The following TACR1 variants were observed in gnomAD, a reference collection of about 807,000 sequenced individuals.
The protein encoded by TACR1 is tachykinin receptor 1.
In TACR1, 25 loss-of-function variants were observed where a neutral mutation model predicts 35.8. That is an observed-to-expected ratio of 0.70 (90% confidence interval 0.51 to 0.98). The LOEUF is 0.98. TACR1 is among the 50% of genes least tolerant of loss of function. TACR1 has a pLI of 0.00. For missense variants in TACR1, 478 were observed against 522.9 expected (o/e 0.91, Z 0.84); for synonymous variants, 195 against 206.7 (o/e 0.94, Z 0.48).
chr2:75,063,920 A>G (rs952698435), intron 2 of TACR1, among the ~76,000 whole-genome samples: 1 of 152,160 alleles, frequency 6.6e-6, no homozygotes, highest in South Asian at 2.1e-4. Flanking sequence ...AGGTTAGAGA[A>G]TGGTCTCAGT....
At chr2:75,194,626 G>C (rs1675922339) in intron 1 of TACR1, among the ~76,000 whole-genome samples, 1 of 152,174 alleles carries the variant, frequency 6.6e-6, no homozygotes, top group African/African-American at 2.4e-5. Flanking sequence ...ATTTATTCAT[G>C]TTTTTGTTCT....
At chr2:75,079,771 A>T (rs1453795047) in intron 2 of TACR1, among the ~76,000 whole-genome samples, 2 of 143,022 alleles carry the variant, frequency 1.4e-5, no homozygotes, top group East Asian at 4.0e-4. Context: ...CTCACTCTGG[A>T]ATGAGTCATT....
At chr2:75,111,756 T>C (rs1358356535) in intron 2 of TACR1, among the ~76,000 whole-genome samples, 1 of 151,932 alleles carries the variant, frequency 6.6e-6, no homozygotes, top group Non-Finnish European at 1.5e-5. Flanking sequence ...AGTAAGAATA[T>C]ATGTTTACAC....
intron 2 of TACR1, among the ~76,000 whole-genome samples, chr2:75,093,573 C>T (rs939313654): frequency 6.6e-6 from 1 of 152,148 alleles, no homozygotes; most frequent in African/African-American, 2.4e-5. Context: ...TCTGCAGCCC[C>T]TGAGCCCACC....
At chr2:75,105,060 A>T (rs1558554375) in intron 2 of TACR1, among the ~76,000 whole-genome samples, 1 of 152,128 alleles carries the variant, frequency 6.6e-6, no homozygotes, top group Non-Finnish European at 1.5e-5. Context: ...AAATGAAATC[A>T]GTATGTTGAC....
chr2:75,145,916 G>T (rs1441763242), intron 1 of TACR1, among the ~76,000 whole-genome samples: 1 of 152,174 alleles, frequency 6.6e-6, no homozygotes, highest in Admixed American at 6.5e-5. Flanking sequence ...CAGCGACAGA[G>T]ATGTGGGAGT....
At chr2:75,143,915 G>A (rs1454154275) in intron 1 of TACR1, among the ~76,000 whole-genome samples, 2 of 152,136 alleles carry the variant, frequency 1.3e-5, no homozygotes, top group African/African-American at 2.4e-5. Context: ...GTGGGTGAAC[G>A]GGGTACATAG....
intron 2 of TACR1, among the ~76,000 whole-genome samples, chr2:75,092,797 C>T (rs1481901611): frequency 5.3e-5 from 8 of 152,088 alleles, no homozygotes; most frequent in African/African-American, 1.9e-4. Flanking sequence ...TTGCCTCACC[C>T]AGAAGATCAG....
chr2:75,179,305 C>A (rs6709927), intron 1 of TACR1, among the ~76,000 whole-genome samples: 93,468 of 151,608 alleles, frequency 0.62, 29,038 homozygotes, highest in South Asian at 0.75. Flanking sequence ...AAATCTGATC[C>A]CTTCTCACCA....
intron 1 of TACR1, among the ~76,000 whole-genome samples, chr2:75,195,102 G>A (rs867278028): frequency 6.6e-6 from 1 of 152,094 alleles, no homozygotes; most frequent in African/African-American, 2.4e-5. Context: ...CAAATTTCAT[G>A]AAACATCATA....
At chr2:75,121,176 C>T (rs1558560150) in intron 1 of TACR1, among the ~76,000 whole-genome samples, 1 of 152,272 alleles carries the variant, frequency 6.6e-6, no homozygotes, top group East Asian at 1.9e-4. Flanking sequence ...CAGAATAGTA[C>T]TTTTTTTCAG....
intron 1 of TACR1, among the ~76,000 whole-genome samples, chr2:75,137,856 A>G (rs968516464): frequency 2.6e-5 from 4 of 151,432 alleles, no homozygotes; most frequent in Non-Finnish European, 5.9e-5. Flanking sequence ...TCCTATACTC[A>G]TCTACTTTCT....
At chr2:75,154,565 A>ACCACACACACACACACACACACACAC in intron 1 of TACR1, 1 of 150,934 alleles carries the variant, frequency 6.6e-6, no homozygotes, top group East Asian at 1.9e-4. Flanking sequence ...GCACTAACCC[A>ACCACACACACACACACACACACACAC]GCACAGGTGA....
chr2:75,072,959 A>T (rs899968748), intron 2 of TACR1, among the ~76,000 whole-genome samples: 2 of 143,740 alleles, frequency 1.4e-5, no homozygotes, highest in African/African-American at 5.3e-5. Flanking sequence ...GCTGAGCTAA[A>T]CTAAACTAAA....
intron 1 of TACR1, among the ~76,000 whole-genome samples, chr2:75,143,380 G>A (rs1674447338): frequency 6.6e-6 from 1 of 152,152 alleles, no homozygotes; most frequent in Non-Finnish European, 1.5e-5. Context: ...TTTAGCTCTT[G>A]TCTTCCTTCC....
chr2:75,056,104 G>C (rs1672563936), intron 2 of TACR1, among the ~76,000 whole-genome samples: 1 of 152,186 alleles, frequency 6.6e-6, no homozygotes, highest in African/African-American at 2.4e-5. Flanking sequence ...AACTGTTTCA[G>C]ACCTTAGGTA....
At chr2:75,105,302 A>G (rs1319563849) in intron 2 of TACR1, among the ~76,000 whole-genome samples, 1 of 152,086 alleles carries the variant, frequency 6.6e-6, no homozygotes, top group Non-Finnish European at 1.5e-5. Context: ...ATACTGCACG[A>G]TCTCATTGAC....
intron 1 of TACR1, among the ~76,000 whole-genome samples, chr2:75,137,185 C>G (rs569961796): frequency 3.9e-5 from 6 of 151,958 alleles, no homozygotes; most frequent in African/African-American, 1.5e-4. Context: ...TGTTTCAGTC[C>G]CCTCACTAGA....
intron 1 of TACR1, among the ~76,000 whole-genome samples, chr2:75,178,226 C>T (rs1465104364): frequency 6.6e-6 from 1 of 151,726 alleles, no homozygotes; most frequent in East Asian, 1.9e-4. Context: ...TCTTTGTTGC[C>T]CAGGCTGGAG....
Sources: gnomAD v4.1 joint callset for allele counts (sites outside exome capture counted in the v4.1 genomes callset) on GRCh38, gnomAD v4.1.1 for gene constraint, MANE v1.5 for transcripts, NCBI Gene and HGNC (gene_info 2026-07-23, HGNC 2026-07-21) for gene names.